PLCB1: variants seen among roughly 807,000 people sequenced by gnomAD.
PLCB1 encodes 1-phosphatidylinositol 4,5-bisphosphate phosphodiesterase beta-1.
In PLCB1, 46 loss-of-function variants were observed where a neutral mutation model predicts 161.8. That is an observed-to-expected ratio of 0.28 (90% CI 0.22 to 0.36). The LOEUF (loss-of-function observed/expected upper bound fraction) is 0.36. PLCB1 is among the 10% of genes least tolerant of loss of function. The pLI is 1.00. For synonymous variants in PLCB1, 517 were observed against 503.7 expected (o/e 1.03, Z -0.35); for missense variants, 1,016 against 1,472.5 (o/e 0.69, Z 5.07).
chr20:8,719,777 G>A (rs1050652010), intron 14 of PLCB1, among the ~76,000 whole-genome samples: 3 of 151,966 alleles, frequency 2.0e-5, no homozygotes, highest in Admixed American at 1.3e-4. Context: ...GACTTACGAC[G>A]TGTACTTTTC....
chr20:8,294,961 G>A (rs1285960213), intron 2 of PLCB1, among the ~76,000 whole-genome samples: 1 of 152,050 alleles, frequency 6.6e-6, no homozygotes, highest in Non-Finnish European at 1.5e-5. Flanking sequence ...ACTGCTACAT[G>A]CAGCAACATC....
intron 31 of PLCB1, among the ~76,000 whole-genome samples, chr20:8,816,503 A>T (rs1336461226): frequency 6.6e-6 from 1 of 152,364 alleles, no homozygotes; most frequent in East Asian, 1.9e-4. Flanking sequence ...TTTAATGGGG[A>T]ATTCTGAAGC....
intron 3 of PLCB1, among the ~76,000 whole-genome samples, chr20:8,449,948 C>A (rs1006492357): frequency 6.6e-6 from 1 of 152,018 alleles, no homozygotes; most frequent in African/African-American, 2.4e-5. Context: ...AAAACCTAGG[C>A]GTATTTGGGA....
chr20:8,790,058 T>C, intron 30 of PLCB1, 117 bp from the exon 31 acceptor site: 1 of 681,522 alleles, frequency 1.5e-6, no homozygotes, highest in Non-Finnish European at 2.6e-6. Context: ...TAGTTCTTGA[T>C]CAGGAGATCA....
At chr20:8,688,357 T>C (rs1248426741) in intron 10 of PLCB1, among the ~76,000 whole-genome samples, 2 of 152,200 alleles carry the variant, frequency 1.3e-5, no homozygotes, top group Non-Finnish European at 2.9e-5. Flanking sequence ...CCCAGCCATG[T>C]ATCTTTGTTT....
At chr20:8,531,117 G>A (rs866154404) in intron 3 of PLCB1, among the ~76,000 whole-genome samples, 1 of 152,048 alleles carries the variant, frequency 6.6e-6, no homozygotes, top group Non-Finnish European at 1.5e-5. Context: ...AATGAATAGG[G>A]TCATGGTCTT....
chr20:8,844,591 C>T (rs186560224), intron 31 of PLCB1, among the ~76,000 whole-genome samples: 4 of 151,880 alleles, frequency 2.6e-5, no homozygotes, highest in Admixed American at 6.6e-5. Context: ...AAAAAAAGGA[C>T]GGGGGAGGGG....
chr20:8,508,729 T>A (rs139299850), intron 3 of PLCB1, among the ~76,000 whole-genome samples: 18 of 152,218 alleles, frequency 1.2e-4, no homozygotes, highest in African/African-American at 3.4e-4. Context: ...TAGAATGCAA[T>A]GATTATTTAA....
chr20:8,306,409 C>T (rs1370776684), intron 2 of PLCB1: 3 of 152,156 alleles, frequency 2.0e-5, no homozygotes, highest in Non-Finnish European at 4.4e-5. Flanking sequence ...GAATCTTCTG[C>T]ACAAGTCAAA....
chr20:8,509,185 T>A (rs913845056), intron 3 of PLCB1, among the ~76,000 whole-genome samples: 1 of 152,170 alleles, frequency 6.6e-6, no homozygotes, highest in African/African-American at 2.4e-5. Context: ...AAACCTCGAC[T>A]AGTGTTGAAT....
chr20:8,263,429 C>T (rs1981808429), intron 2 of PLCB1, among the ~76,000 whole-genome samples: 1 of 152,140 alleles, frequency 6.6e-6, no homozygotes, highest in African/African-American at 2.4e-5. Flanking sequence ...TCAAATATGA[C>T]ATCAGTTGAC....
intron 31 of PLCB1, among the ~76,000 whole-genome samples, chr20:8,829,032 A>G (rs1293501724): frequency 2.0e-5 from 3 of 152,216 alleles, no homozygotes; most frequent in Non-Finnish European, 2.9e-5. Flanking sequence ...AATGATATAG[A>G]CATATGCTAA....
At chr20:8,211,212 G>T (rs1978807609) in intron 2 of PLCB1, among the ~76,000 whole-genome samples, 1 of 152,070 alleles carries the variant, frequency 6.6e-6, no homozygotes, top group Non-Finnish European at 1.5e-5. Context: ...ATTCTGGTTG[G>T]ATGAGAGACT....
At chr20:8,684,854 G>C (rs1990319831) in intron 9 of PLCB1, 78 bp from the exon 10 acceptor site, 1 of 1,066,776 alleles carries the variant, frequency 9.4e-7, no homozygotes, top group Non-Finnish European at 1.4e-6. Flanking sequence ...AGATATTTCT[G>C]GAAAAAAAAA....
In PLCB1 at chr20:8,452,974, C is replaced by G. The variant is rs115151363; in HGVS notation, c.246+81524C>G. On this transcript the variant is annotated intron_variant, in intron 3 of 31. Coordinates refer to ENST00000338037, the MANE Select transcript of PLCB1 (RefSeq NM_015192.4). Reference sequence around the variant, plus strand: ...GCTGACATGGATGCCAGAATTCCAGCTATGAGAATTTCTCCTCTATTTATT... The same window carrying G: ...GCTGACATGGATGCCAGAATTCCAGGTATGAGAATTTCTCCTCTATTTATT... Among the ~76,000 whole-genome samples the G allele has an allele frequency of 3.3e-3, 499 of 152,308 alleles. 4 individuals are homozygous for G. Among genetic ancestry groups the G allele is most frequent in the African/African-American group, 0.012 (480 of 41,558 alleles).
intron 3 of PLCB1, among the ~76,000 whole-genome samples, chr20:8,491,825 T>C (rs1009332373): frequency 2.0e-5 from 3 of 152,196 alleles, no homozygotes; most frequent in Non-Finnish European, 4.4e-5. Flanking sequence ...TGGGTTACGA[T>C]AGGACTCATC....
intron 12 of PLCB1, among the ~76,000 whole-genome samples, chr20:8,715,564 A>G (rs1979259496): frequency 6.6e-6 from 1 of 152,074 alleles, no homozygotes; most frequent in East Asian, 1.9e-4. Flanking sequence ...GCCTTTTTCC[A>G]TTATACCAGG....
At chr20:8,754,188 G>A (rs1568585906) in intron 23 of PLCB1, among the ~76,000 whole-genome samples, 2 of 151,984 alleles carry the variant, frequency 1.3e-5, no homozygotes, top group African/African-American at 4.8e-5. Flanking sequence ...TTTTTGGAAG[G>A]TGGAGGCTTT....
intron 2 of PLCB1, among the ~76,000 whole-genome samples, chr20:8,301,961 C>T (rs541661697): frequency 6.6e-6 from 1 of 152,306 alleles, no homozygotes; most frequent in South Asian, 2.1e-4. Flanking sequence ...TCATTTAATC[C>T]TTTTGCCTCA....
Sources: allele counts gnomAD v4.1 joint callset (sites outside exome capture counted in the v4.1 genomes callset), GRCh38; gene constraint gnomAD v4.1.1; transcripts MANE v1.5; gene names NCBI Gene and HGNC (gene_info 2026-07-23, HGNC 2026-07-21).